The following NDST3 variants were observed in gnomAD, a reference collection of about 807,000 sequenced individuals.
NDST3 encodes the protein bifunctional heparan sulfate N-deacetylase/N-sulfotransferase 3.
In NDST3, 58 loss-of-function variants were observed where a neutral mutation model predicts 96.1. That is an observed-to-expected ratio of 0.60 (90% CI 0.49 to 0.75). The LOEUF (loss-of-function observed/expected upper bound fraction) is 0.75. Ranked by LOEUF, NDST3 falls within the 30% of genes least tolerant of loss-of-function variation. NDST3 has a pLI of 0.00. For missense variants in NDST3, 788 were observed against 1,034.2 expected, an observed-to-expected ratio of 0.76 and a Z score of 3.27; for synonymous variants, 333 against 359.7, an observed-to-expected ratio of 0.93 and a Z score of 0.84.
intron 4 of NDST3, among the ~76,000 whole-genome samples, chr4:118,132,288 C>T (rs1732698755): frequency 1.3e-5 from 2 of 152,200 alleles, no homozygotes; most frequent in South Asian, 4.1e-4. Flanking sequence ...CTATAAAGTA[C>T]TTCCTGCTCT....
intron 2 of NDST3, among the ~76,000 whole-genome samples, chr4:118,099,475 T>C (rs1729599893): frequency 6.6e-6 from 1 of 152,130 alleles, no homozygotes. Context: ...TACATTTTTA[T>C]ATGTAGACTT....
At chr4:118,065,889 T>G (rs1726277537) in intron 2 of NDST3, among the ~76,000 whole-genome samples, 1 of 150,442 alleles carries the variant, frequency 6.6e-6, no homozygotes, top group South Asian at 2.1e-4. Flanking sequence ...CTTTATTTTA[T>G]GTAACTTCTT....
chr4:118,064,418 G>A (rs933507633), intron 2 of NDST3, among the ~76,000 whole-genome samples: 2 of 151,928 alleles, frequency 1.3e-5, no homozygotes, highest in African/African-American at 4.8e-5. Context: ...AGTACAAAAT[G>A]GATCTTAAAA....
At chr4:118,192,966 C>T (rs887243346) in intron 6 of NDST3, among the ~76,000 whole-genome samples, 15 of 152,014 alleles carry the variant, frequency 9.9e-5, no homozygotes, top group Admixed American at 7.9e-4. Context: ...CTTCCCATGT[C>T]CCTAACACCC....
At chr4:118,146,253 T>A (rs1733934549) in intron 6 of NDST3, among the ~76,000 whole-genome samples, 2 of 152,322 alleles carry the variant, frequency 1.3e-5, no homozygotes, top group Admixed American at 1.3e-4. Flanking sequence ...AAGATAGCCA[T>A]TGTAAGTTTA....
Position 118,081,210 on chromosome 4 carries a change from C to T in NDST3, c.982-23808C>T, listed in dbSNP as rs528128295. 2.4e-4 allele frequency among the ~76,000 whole-genome samples: 37 copies of T among 152,210 alleles called. No individual in the cohort carries two copies. The East Asian group carries it at 6.6e-3, about 27-fold the overall frequency. On this transcript the variant is annotated intron_variant, in intron 2 of 13. Coordinates refer to ENST00000296499, the MANE Select transcript of NDST3 (RefSeq NM_004784.3). ...AATGTGTGGCATTATAGAAGAAGAA[C>T]CCTAAAGTTCGAGAACCCATATCTT...
At chr4:118,116,766 G>C (rs1397114367) in intron 4 of NDST3, among the ~76,000 whole-genome samples, 1 of 152,022 alleles carries the variant, frequency 6.6e-6, no homozygotes, top group Non-Finnish European at 1.5e-5. Flanking sequence ...GCTGAGGCAG[G>C]AGAATGGTAT....
rs142066749 is a variant in NDST3 at position 118,222,655 on chromosome 4, T to C, written c.1540-1836T>C. On this transcript the variant is annotated intron_variant, in intron 6 of 13. Transcript: ENST00000296499. Reference sequence around the variant, plus strand: ...GCTTGGAGGCTAAGTAGGTTTTCTTTTACAGGACTAAGTTCAACACCTTAT... The same window carrying C: ...GCTTGGAGGCTAAGTAGGTTTTCTTCTACAGGACTAAGTTCAACACCTTAT... Among the ~76,000 whole-genome samples, 5 of 152,142 alleles carry C rather than the reference T, an allele frequency of 3.3e-5. No individual in the cohort carries two copies. In the East Asian group the frequency reaches 9.6e-4, roughly 29 times the overall value.
chr4:118,127,963 A>G (rs1732258314), intron 4 of NDST3, among the ~76,000 whole-genome samples: 1 of 152,002 alleles, frequency 6.6e-6, no homozygotes, highest in African/African-American at 2.4e-5. Context: ...AAATGAGATT[A>G]CATTTTGACT....
intron 10 of NDST3, 39 bp downstream of exon 10, chr4:118,237,259 G>C: frequency 6.5e-7 from 1 of 1,537,434 alleles, no homozygotes; most frequent in Non-Finnish European, 8.8e-7. Flanking sequence ...GGGAGAAGTG[G>C]AGTATGGACA....
At chr4:118,037,737 A>G (rs1421368732) in intron 1 of NDST3, among the ~76,000 whole-genome samples, 1 of 152,190 alleles carries the variant, frequency 6.6e-6, no homozygotes, top group Admixed American at 6.5e-5. Flanking sequence ...AGCTAAGTAT[A>G]TACAGTCTAG....
chr4:118,203,451 G>T (rs1254733281), intron 6 of NDST3, among the ~76,000 whole-genome samples: 1 of 152,014 alleles, frequency 6.6e-6, no homozygotes, highest in Non-Finnish European at 1.5e-5. Context: ...GGCTTTTTTT[G>T]GTTAGTAGGT....
rs983335980 is a variant in NDST3, at chr4:118,104,117, G to A, written c.982-901G>A. ...TTAGTTGTGGGCCCAACTGTATTAA[G>A]GAAAGGGAGAAAGAAGATAAGGTGT... On this transcript the variant is annotated intron_variant, in intron 2 of 13. Transcript: ENST00000296499. 2.6e-5 allele frequency among the ~76,000 whole-genome samples: 4 copies of A among 152,118 alleles called. No individual in the cohort carries two copies. In the East Asian group the frequency reaches 7.7e-4, roughly 29 times the overall value.
At chr4:118,237,294 C>A in intron 10 of NDST3, 74 bp downstream of exon 10, 2 of 1,182,736 alleles carry the variant, frequency 1.7e-6, no homozygotes, top group Non-Finnish European at 2.2e-6. Context: ...TTAGCAATAC[C>A]CACTAGCTCA....
intron 2 of NDST3, among the ~76,000 whole-genome samples, chr4:118,072,664 A>T (rs1224347758): frequency 6.6e-6 from 1 of 152,084 alleles, no homozygotes; most frequent in Non-Finnish European, 1.5e-5. Flanking sequence ...AAATTATATC[A>T]TCTGCAAACA....
At chr4:118,106,015 G>A (rs566341957) in intron 3 of NDST3, among the ~76,000 whole-genome samples, 1 of 152,276 alleles carries the variant, frequency 6.6e-6, no homozygotes, top group African/African-American at 2.4e-5. Context: ...TGAACATGTA[G>A]AGATATCATA....
At chr4:118,104,338 T>C (rs1283765142) in intron 2 of NDST3, among the ~76,000 whole-genome samples, 1 of 151,958 alleles carries the variant, frequency 6.6e-6, no homozygotes, top group Non-Finnish European at 1.5e-5. Flanking sequence ...AGAGGGAGTA[T>C]AAGAATCAGA....
At position 118,240,639 on chromosome 4, in the gene NDST3, CG is replaced by C; in HGVS notation, c.2238del (p.Trp747GlyfsTer19). The C allele has an allele frequency of 6.2e-7, 1 of 1,613,812 alleles. No individual in the cohort carries two copies. Among genetic ancestry groups the C allele is most frequent in the Non-Finnish European group, 8.5e-7 (1 of 1,179,902 alleles). The stretch of plus-strand genomic sequence containing the variant: ...GCCTTGCAGAAGAGATGTTTGGTCC[CG>C]GGGTGGTATGCCAGCCACATCGAGA... Reference protein sequence around the residue: ...LRALQKRCLVPGWYASHIERW... With the variant: ...LRALQKRCLVXGWYASHIERW... On this transcript the variant is annotated frameshift_variant, in exon 11 of 14. Transcript: ENST00000296499. LOFTEE classifies it high-confidence loss of function.
intron 6 of NDST3, among the ~76,000 whole-genome samples, chr4:118,186,856 C>G (rs1340858513): frequency 6.6e-6 from 1 of 152,194 alleles, no homozygotes; most frequent in Non-Finnish European, 1.5e-5. Flanking sequence ...GTCATCATGT[C>G]CTCATGGTCA....
Sources: allele counts gnomAD v4.1 joint callset (sites outside exome capture counted in the v4.1 genomes callset), GRCh38; gene constraint gnomAD v4.1.1; transcripts MANE v1.5; gene names NCBI Gene and HGNC (gene_info 2026-07-23, HGNC 2026-07-21).